Variants in RMDN1 observed in about 807,000 individuals in gnomAD.
The protein encoded by RMDN1 is regulator of microtubule dynamics protein 1.
RMDN1 carries 48 observed loss-of-function variants against 48.9 expected under a neutral mutation model. The observed-to-expected ratio is 0.98, with a 90% CI of 0.78 to 1.25. The LOEUF is 1.25. Among genes scored for constraint, RMDN1 ranks in the 50% most tolerant of loss-of-function variants. The probability of loss-of-function intolerance (pLI) is 0.00; values close to 1 mark genes in which losing one functional copy is unlikely to be tolerated. For synonymous variants in RMDN1, 148 were observed against 132.6 expected, an observed-to-expected ratio of 1.12 and a Z score of -0.80; for missense variants, 418 against 373.4, an observed-to-expected ratio of 1.12 and a Z score of -0.98.
At chr8:86,512,516 A>G (rs958662340), upstream of RMDN1, among the ~76,000 whole-genome samples, 4 of 152,212 alleles carry the variant, frequency 2.6e-5, no homozygotes, top group East Asian at 7.7e-4. Context: ...ATCAAATACC[A>G]TCTTAGAGAG....
Position 86,503,396 on chromosome 8 carries a change from A to AT in RMDN1, c.247+3598_247+3599insA, listed in dbSNP as rs1563656928. On this transcript the variant is annotated intron_variant, in intron 2 of 9. Coordinates refer to ENST00000406452, the MANE Select transcript of RMDN1 (RefSeq NM_016033.3). Reference sequence around the variant, plus strand: ...CAAAAAAAAAAAAAAAAAACAAAAAAAAATAACAAAAATAACTTGAGAGAT... The same window carrying AT: ...CAAAAAAAAAAAAAAAAAACAAAAAATAAATAACAAAAATAACTTGAGAGAT... 1.9e-4 allele frequency among the ~76,000 whole-genome samples: 26 copies of AT among 139,182 alleles called. 1 individual carries two copies. Among genetic ancestry groups the AT allele is most frequent in the Middle Eastern group, 3.6e-3 (1 of 278 alleles). The allele number at this position is 139,182 out of a possible 152,430, so 91.3% of individuals were successfully genotyped here.
At chr8:86,486,814 T>G (rs938424339) in intron 3 of RMDN1, among the ~76,000 whole-genome samples, 171 bp from the exon 4 acceptor site, 2 of 152,212 alleles carry the variant, frequency 1.3e-5, no homozygotes, top group African/African-American at 4.8e-5. Flanking sequence ...TATAAAACCT[T>G]TACTTGCTAA....
chr8:86,476,461 A>G (rs947840920), intron 8 of RMDN1, among the ~76,000 whole-genome samples: 1 of 152,172 alleles, frequency 6.6e-6, no homozygotes, highest in African/African-American at 2.4e-5. Flanking sequence ...TTTATAGAAT[A>G]TATTTCAATG....
chr8:86,503,209 A>G (rs1271472092), intron 2 of RMDN1, among the ~76,000 whole-genome samples: 1 of 151,748 alleles, frequency 6.6e-6, no homozygotes, highest in Non-Finnish European at 1.5e-5. Context: ...AAAATTAGCT[A>G]GGTATGGTGA....
At chr8:86,469,602 A>G (rs1563566186), downstream of RMDN1, among the ~76,000 whole-genome samples, 1 of 152,162 alleles carries the variant, frequency 6.6e-6, no homozygotes, top group Non-Finnish European at 1.5e-5. Context: ...ACTGGTGCCA[A>G]ATACAGCCTA....
chr8:86,490,674 C>T (rs190807474), intron 2 of RMDN1, among the ~76,000 whole-genome samples: 1 of 152,202 alleles, frequency 6.6e-6, no homozygotes, highest in Non-Finnish European at 1.5e-5. Context: ...CTGAGCTTGT[C>T]ACAGCAGTGA....
chr8:86,508,731 A>ACAGCAACTCTTCCGCCTCCTGCC, upstream of RMDN1: 1 of 1,406,024 alleles, frequency 7.1e-7, no homozygotes, highest in African/African-American at 1.5e-5. Flanking sequence ...CGCCTCCTGC[A>ACAGCAACTCTTCCGCCTCCTGCC]CAGCACCTCT....
chr8:86,480,096 C>A (rs538251695), intron 6 of RMDN1, among the ~76,000 whole-genome samples, 181 bp downstream of exon 6: 1 of 152,106 alleles, frequency 6.6e-6, no homozygotes, highest in African/African-American at 2.4e-5. Flanking sequence ...TGGTCATAAT[C>A]AAATTTAGTA....
At chr8:86,480,153 C>A in intron 6 of RMDN1, 124 bp downstream of exon 6, 1 of 516,428 alleles carries the variant, frequency 1.9e-6, no homozygotes, top group Non-Finnish European at 3.4e-6. Context: ...ATTTAGCACT[C>A]TAAGCTCTGT....
intron 2 of RMDN1, among the ~76,000 whole-genome samples, chr8:86,501,946 G>C (rs1053450763): frequency 6.0e-5 from 9 of 151,004 alleles, no homozygotes; most frequent in African/African-American, 2.2e-4. Flanking sequence ...GAACAGTGCA[G>C]GGCTTCTCAA....
At chr8:86,504,910 T>C in intron 2 of RMDN1, 1 of 1,152,612 alleles carries the variant, frequency 8.7e-7, no homozygotes, top group Non-Finnish European at 1.3e-6. Flanking sequence ...TTCTTGACCT[T>C]TACCTTCTTC....
intron 2 of RMDN1, among the ~76,000 whole-genome samples, chr8:86,498,270 A>AC (rs1233444000): frequency 4.0e-5 from 6 of 151,342 alleles, no homozygotes; most frequent in Non-Finnish European, 5.9e-5. Context: ...AAAAAAAAAA[A>AC]CCTACCAACC....
In RMDN1 at chr8:86,477,301, T is replaced by TGC. The variant is rs756045752; in HGVS notation, c.751_752dup (p.Glu252GlnfsTer16). On this transcript the variant is annotated frameshift_variant, in exon 8 of 10. Transcript: ENST00000406452. LOFTEE classifies it high-confidence loss of function. ...TAATCAAAAATACCTTACCTTGTTCTGCCCTGTGAAAGTAGCCTAAGGCCT... is the reference window on the plus strand; with the variant it reads ...TAATCAAAAATACCTTACCTTGTTCTGCGCCCTGTGAAAGTAGCCTAAGGCCT... The TGC allele has an allele frequency of 6.2e-7, 1 of 1,602,772 alleles. No individual in the cohort carries two copies. The highest frequency in any genetic ancestry group is 2.2e-5 in the East Asian group (1 of 44,550).
chr8:86,487,594 T>C (rs949637054), intron 3 of RMDN1, among the ~76,000 whole-genome samples: 3 of 137,460 alleles, frequency 2.2e-5, no homozygotes, highest in African/African-American at 8.9e-5. Context: ...CTCAAAAAAA[T>C]AAAATAAAAT....
At chr8:86,513,847 T>A (rs1208824185) in intron 1 of RMDN1, among the ~76,000 whole-genome samples, 7 of 151,538 alleles carry the variant, frequency 4.6e-5, no homozygotes, top group African/African-American at 1.7e-4. Context: ...ATAATTTGTC[T>A]TGGTAACTTT....
At chr8:86,508,376 T>C (rs1819740358) in intron 1 of RMDN1, 116 bp downstream of exon 1, 11 of 1,196,238 alleles carry the variant, frequency 9.2e-6, no homozygotes, top group Non-Finnish European at 1.2e-5. Flanking sequence ...CCCCGAGTTC[T>C]TTCCTCGGTT....
At chr8:86,502,784 G>A (rs1818481939) in intron 2 of RMDN1, among the ~76,000 whole-genome samples, 1 of 152,102 alleles carries the variant, frequency 6.6e-6, no homozygotes. Context: ...TAAAGATCCA[G>A]AGAATAAAAT....
chr8:86,507,139 A>C (rs915934934), intron 1 of RMDN1, 27 bp from the exon 2 acceptor site: 2 of 1,439,958 alleles, frequency 1.4e-6, no homozygotes, highest in Middle Eastern at 1.8e-4. Flanking sequence ...GTTAAGAGTT[A>C]CAAACTTTGA....
intron 2 of RMDN1, among the ~76,000 whole-genome samples, chr8:86,503,385 A>AAAAAAAAAAAAAAAAAAAAAAACAAAAC (rs1554594088): frequency 2.5e-5 from 2 of 81,090 alleles, no homozygotes; most frequent in African/African-American, 6.8e-5. Context: ...AAAAAAAAAA[A>AAAAAAAAAAAAAAAAAAAAAAACAAAAC]AAAACAAAAA....
Sources: allele counts gnomAD v4.1 joint callset (sites outside exome capture counted in the v4.1 genomes callset), GRCh38; gene constraint gnomAD v4.1.1; transcripts MANE v1.5; gene names NCBI Gene and HGNC (gene_info 2026-07-23, HGNC 2026-07-21).